Variants in SLC2A11 observed in about 807,000 individuals in gnomAD.
SLC2A11 encodes the protein solute carrier family 2, facilitated glucose transporter member 11.
In SLC2A11, 43 loss-of-function variants were observed where a neutral mutation model predicts 52.1. The observed-to-expected ratio is 0.82, with a 90% confidence interval of 0.65 to 1.06. SLC2A11 has a LOEUF of 1.06. SLC2A11 is among the 50% of genes least tolerant of loss of function. The pLI is 0.00. For synonymous variants in SLC2A11, 261 were observed against 277.6 expected (o/e 0.94, Z 0.59); for missense variants, 582 against 654.2 (o/e 0.89, Z 1.20).
intron 3 of SLC2A11, chr22:23,870,986 C>T (rs192392365): frequency 6.6e-6 from 1 of 151,842 alleles, no homozygotes; most frequent in Non-Finnish European, 1.5e-5. Flanking sequence ...GCCACCGCGC[C>T]CAGCTATATT....
chr22:23,882,547 C>T lies in SLC2A11; in HGVS notation c.783C>T (p.Ala261=), dbSNP rs2032853795. ...EERAACQGCR[A]RRPWELFQHR... The stretch of plus-strand genomic sequence containing the variant: ...GCGCTGCCTGCCAGGGCTGCCGTGC[C>T]CGGCGCCCATGGGAGCTGTTCCAGC... The change falls in exon 7 of 12, where the codon GCC becomes GCT. Residue 261 remains alanine, a synonymous_variant. Transcript: ENST00000316185. 6.2e-7 allele frequency: 1 copy of T among 1,609,872 alleles called. No individual in the cohort carries two copies. Among genetic ancestry groups the T allele is most frequent in the Admixed American group, 1.7e-5 (1 of 59,644 alleles).
intron 2 of SLC2A11, chr22:23,867,767 G>T (rs1293398400): frequency 4.3e-6 from 2 of 470,156 alleles, no homozygotes; most frequent in Admixed American, 4.7e-5. Context: ...TGAACACATT[G>T]AGGTGCTGGG....
chr22:23,858,690 C>T (rs1462322091), intron 1 of SLC2A11, among the ~76,000 whole-genome samples: 1 of 152,130 alleles, frequency 6.6e-6, no homozygotes, highest in African/African-American at 2.4e-5. Flanking sequence ...CGTAGCGAGA[C>T]CTTGTCTCTA....
chr22:23,882,971 C>T (rs1208213121), intron 8 of SLC2A11, 102 bp downstream of exon 8: 12 of 1,105,060 alleles, frequency 1.1e-5, no homozygotes, highest in Non-Finnish European at 1.5e-5. Context: ...TGTTAAAATG[C>T]AGTGAGGGGC....
chr22:23,873,331 A>ATGTGTGTGTGTGTGTG lies in SLC2A11; in HGVS notation c.291-1786_291-1785insTGTGTGTGTGTGTGTG, dbSNP rs1568990950. 1.6e-3 allele frequency: 235 copies of ATGTGTGTGTGTGTGTG among 150,238 alleles called. 1 individual carries two copies. Among genetic ancestry groups the ATGTGTGTGTGTGTGTG allele is most frequent in the African/African-American group, 5.0e-3 (201 of 40,120 alleles). The allele number at this position is 150,238 out of a possible 1,614,324, so 9.3% of individuals were successfully genotyped here. A position where few individuals can be genotyped will look rare whatever the true frequency, so the allele number is the denominator to read the frequency against. ...TGTGTGTGTGTGTGTGTGTGTGTGCACGCGTGTGTGTAGCATGGTGGGGGG... is the reference window on the plus strand; with the variant it reads ...TGTGTGTGTGTGTGTGTGTGTGTGCATGTGTGTGTGTGTGTGCGCGTGTGTGTAGCATGGTGGGGGG... On this transcript the variant is annotated intron_variant, in intron 3 of 11. Transcript: ENST00000316185.
rs944117407 is a variant in SLC2A11 at position 23,866,169 on chromosome 22, T to TA, written c.130-2299dup. The stretch of plus-strand genomic sequence containing the variant: ...GGACAACAGAGGGAGACACTATCTT[T>TA]AAAAAAAAAAAAAGAAAGAAAAAAG... On this transcript the variant is annotated intron_variant, in intron 2 of 11. Coordinates refer to ENST00000316185, the MANE Select transcript of SLC2A11 (RefSeq NM_001024939.4). The TA allele has an allele frequency of 3.9e-3, 483 of 124,046 alleles. 4 individuals carry two copies. The highest frequency in any genetic ancestry group is 0.024 in the Admixed American group (291 of 12,014). The allele number at this position is 124,046 out of a possible 1,614,324, so 7.7% of individuals were successfully genotyped here.
intron 2 of SLC2A11, 106 bp from the exon 3 acceptor site, chr22:23,868,375 T>C (rs2032336572): frequency 7.2e-7 from 1 of 1,392,366 alleles, no homozygotes; most frequent in African/African-American, 1.4e-5. Flanking sequence ...CCTGTTGTCA[T>C]TGCCTGTTCT....
chr22:23,861,981 T>C (rs1028869794), intron 1 of SLC2A11, 123 bp from the exon 2 acceptor site: 1 of 815,980 alleles, frequency 1.2e-6, no homozygotes, highest in East Asian at 2.4e-5. Flanking sequence ...ACTTTCCTCA[T>C]CTGCAAAGTG....
In SLC2A11 at chr22:23,877,181, C is replaced by A; in HGVS notation, c.545+10C>A. ...AGGTGGTCGGACTCAGGTAAGCACC[C>A]CTCCCCCACATGCATTGAGTATTTC... On this transcript the variant is annotated intron_variant, in intron 5 of 11. Transcript: ENST00000316185. 1 of 1,604,024 alleles carries A rather than the reference C, an allele frequency of 6.2e-7. No individual in the cohort carries two copies. The highest frequency in any genetic ancestry group is 2.2e-5 in the East Asian group (1 of 44,786).
chr22:23,865,301 A>C (rs956988329), intron 2 of SLC2A11: 1 of 152,278 alleles, frequency 6.6e-6, no homozygotes, highest in Non-Finnish European at 1.5e-5. Context: ...CTATAATCGC[A>C]GCTACTTGGG....
At chr22:23,871,502 G>GA (rs2032455572) in intron 3 of SLC2A11, 2 of 152,088 alleles carry the variant, frequency 1.3e-5, no homozygotes, top group South Asian at 4.2e-4. Context: ...CACTTTGGGA[G>GA]ACCGAGGCGG....
chr22:23,869,177 C>G lies in SLC2A11; in HGVS notation c.290+536C>G, dbSNP rs765819613. On this transcript the variant is annotated intron_variant, in intron 3 of 11. Transcript: ENST00000316185. Reference sequence around the variant, plus strand: ...ACAGTCTGGGCAATATGGTGAGACCCCATCTCTACAAAAAATTAGCTAGGA... The same window carrying G: ...ACAGTCTGGGCAATATGGTGAGACCGCATCTCTACAAAAAATTAGCTAGGA... The G allele has an allele frequency of 3.9e-5, 6 of 153,460 alleles. No homozygotes were observed. The East Asian group carries it at 1.1e-3, about 29-fold the overall frequency. The allele number at this position is 153,460 out of a possible 1,614,324, so 9.5% of individuals were successfully genotyped here. A position where few individuals can be genotyped will look rare whatever the true frequency, so the allele number is the denominator to read the frequency against.
At chr22:23,857,579 C>CA (rs1555884640), upstream of SLC2A11, 13 of 1,461,296 alleles carry the variant, frequency 8.9e-6, no homozygotes, top group African/African-American at 1.1e-4. Context: ...GACCCCAAAC[C>CA]CCCCCCCCGC....
intron 1 of SLC2A11, among the ~76,000 whole-genome samples, chr22:23,861,213 T>A (rs1314003204): frequency 7.2e-6 from 1 of 138,494 alleles, no homozygotes; most frequent in African/African-American, 2.8e-5. Context: ...CTTCTGACAT[T>A]GTGATCCACC....
upstream of SLC2A11, chr22:23,857,492 G>C (rs533061803): frequency 8.1e-6 from 13 of 1,613,940 alleles, no homozygotes; most frequent in East Asian, 2.7e-4. Context: ...AGAGGCGGAT[G>C]GAGGATGAAC....
chr22:23,858,324 G>A (rs895359842), intron 1 of SLC2A11, among the ~76,000 whole-genome samples: 3 of 152,064 alleles, frequency 2.0e-5, no homozygotes, highest in African/African-American at 7.2e-5. Flanking sequence ...TAAGCCCTCC[G>A]AGCGCTGCAA....
At position 23,882,496 on chromosome 22, in the gene SLC2A11, G is replaced by C; in HGVS notation, c.732G>C (p.Gly244=). 3.2e-6 allele frequency: 5 copies of C among 1,565,398 alleles called. No homozygotes were observed. Among genetic ancestry groups the C allele is most frequent in the Non-Finnish European group, 4.3e-6 (5 of 1,157,050 alleles). Reference sequence around the variant, plus strand: ...TCCGGGGCTCCGGGGACTTGGCAGGGGAGCTGGAGGAGCTGGAGGAGGAGC... The same window carrying C: ...TCCGGGGCTCCGGGGACTTGGCAGGCGAGCTGGAGGAGCTGGAGGAGGAGC... ...RRLRGSGDLA[G]ELEELEEERA... The change falls in exon 7 of 12, where the codon GGG becomes GGC. Residue 244 remains glycine, a synonymous_variant. Transcript: ENST00000316185.
At position 23,884,560 on chromosome 22, in the gene SLC2A11, G is replaced by T; in HGVS notation, c.1300-89G>T. ...GGGGTCTTAGGGGAGCAAAGAGGGG[G>T]GCAAATGCCTCCTCACGACCTGTCA... On this transcript the variant is annotated intron_variant, in intron 11 of 11. Transcript: ENST00000316185. This position sits in a 1 kb window ranked among gnomAD's most constrained non-coding sequence, Gnocchi z 4.3. 2 of 1,541,234 alleles carry T rather than the reference G, an allele frequency of 1.3e-6. No individual in the cohort carries two copies. The highest frequency in any genetic ancestry group is 1.8e-6 in the Non-Finnish European group (2 of 1,140,690).
chr22:23,881,975 CAGAG>C (rs1283280417), intron 6 of SLC2A11: 174 of 161,098 alleles, frequency 1.1e-3, no homozygotes, highest in Middle Eastern at 2.6e-3. Flanking sequence ...CACACACACA[CAGAG>C]ACAGAGAGAT....
Sources: gnomAD v4.1 joint callset for allele counts (sites outside exome capture counted in the v4.1 genomes callset) on GRCh38, gnomAD v4.1.1 for gene constraint, Gnocchi (gnomAD v3.1) non-coding constraint, MANE v1.5 for transcripts, NCBI Gene and HGNC (gene_info 2026-07-23, HGNC 2026-07-21) for gene names.